MCTP1: variants seen among roughly 807,000 people sequenced by gnomAD.
The protein encoded by MCTP1 is multiple C2 and transmembrane domain-containing protein 1.
A neutral mutation model predicts 120.6 loss-of-function variants in MCTP1; 69 were observed. The observed-to-expected ratio is 0.57, with a 90% CI of 0.47 to 0.70. The LOEUF (loss-of-function observed/expected upper bound fraction) is 0.70. Ranked by LOEUF, MCTP1 falls within the 30% of genes least tolerant of loss-of-function variation. MCTP1 has a pLI of 0.00. For synonymous variants in MCTP1, 529 were observed against 493.1 expected, an observed-to-expected ratio of 1.07 and a Z score of -0.96; for missense variants, 1,203 against 1,248.8, an observed-to-expected ratio of 0.96 and a Z score of 0.55.
chr5:94,744,052 C>A (rs1431721882), intron 19 of MCTP1, among the ~76,000 whole-genome samples: 1 of 152,102 alleles, frequency 6.6e-6, no homozygotes, highest in African/African-American at 2.4e-5. Context: ...CTCACTGCAA[C>A]CTCTGCTTCC....
intron 2 of MCTP1, among the ~76,000 whole-genome samples, chr5:94,991,438 A>G (rs1487257204): frequency 6.6e-6 from 1 of 152,220 alleles, no homozygotes; most frequent in Non-Finnish European, 1.5e-5. Flanking sequence ...AATTTTAAAT[A>G]CTCTGAAATA....
At chr5:95,065,438 G>A (rs1197180832) in intron 1 of MCTP1, among the ~76,000 whole-genome samples, 2 of 152,034 alleles carry the variant, frequency 1.3e-5, no homozygotes, top group Non-Finnish European at 2.9e-5. Context: ...TTTATTCCAT[G>A]TATTAAAATA....
intron 18 of MCTP1, among the ~76,000 whole-genome samples, chr5:94,785,345 T>C (rs1203346431): frequency 6.6e-6 from 1 of 152,142 alleles, no homozygotes; most frequent in Non-Finnish European, 1.5e-5. Flanking sequence ...GTTTTTCACT[T>C]GCAGGAAAAT....
chr5:95,071,220 C>A (rs796828309), intron 1 of MCTP1, among the ~76,000 whole-genome samples: 1 of 152,194 alleles, frequency 6.6e-6, no homozygotes, highest in Non-Finnish European at 1.5e-5. Flanking sequence ...GACACCAGAT[C>A]CGGAGCCTGA....
chr5:95,224,724 G>A (rs7349800), intron 1 of MCTP1, among the ~76,000 whole-genome samples: 18,919 of 152,000 alleles, frequency 0.12, 1,482 homozygotes, highest in Non-Finnish European at 0.18. Flanking sequence ...TGCCCAGGCT[G>A]GTCTTGAACT....
chr5:94,739,790 C>G (rs1765106236), intron 19 of MCTP1, among the ~76,000 whole-genome samples: 1 of 152,188 alleles, frequency 6.6e-6, no homozygotes, highest in African/African-American at 2.4e-5. Context: ...TCACCACTCT[C>G]CCGAGTAGCT....
At chr5:94,930,591 C>A (rs1452409148) in intron 6 of MCTP1, among the ~76,000 whole-genome samples, 1 of 151,984 alleles carries the variant, frequency 6.6e-6, no homozygotes, top group Non-Finnish European at 1.5e-5. Flanking sequence ...CATTTCTAAT[C>A]TTCCTTTTAT....
At chr5:94,758,687 A>T (rs1257093070) in intron 19 of MCTP1, among the ~76,000 whole-genome samples, 3 of 152,162 alleles carry the variant, frequency 2.0e-5, no homozygotes, top group African/African-American at 7.2e-5. Context: ...TTAATTTTTC[A>T]TATCAACTGT....
chr5:95,102,241 C>T (rs1368787548), intron 1 of MCTP1, among the ~76,000 whole-genome samples: 3 of 152,074 alleles, frequency 2.0e-5, no homozygotes, highest in Non-Finnish European at 4.4e-5. Context: ...CTGAGCAAGC[C>T]AGCTGGAGGA....
intron 19 of MCTP1, among the ~76,000 whole-genome samples, chr5:94,721,119 C>T (rs184229478): frequency 5.5e-4 from 83 of 152,150 alleles, no homozygotes; most frequent in African/African-American, 1.7e-3. Flanking sequence ...CAAAATGTTT[C>T]GAAAATGCAG....
intron 1 of MCTP1, among the ~76,000 whole-genome samples, chr5:95,065,484 T>C (rs1032754316): frequency 1.3e-5 from 2 of 152,070 alleles, no homozygotes; most frequent in Non-Finnish European, 2.9e-5. Context: ...ATGTAACTCA[T>C]CAATTAGTAG....
At chr5:94,778,258 C>T (rs960925538) in intron 19 of MCTP1, among the ~76,000 whole-genome samples, 18 of 152,010 alleles carry the variant, frequency 1.2e-4, no homozygotes, top group Admixed American at 8.5e-4. Flanking sequence ...TGGTTTTACA[C>T]GCCAAACAAC....
At chr5:94,807,625 C>T (rs935413964) in intron 17 of MCTP1, among the ~76,000 whole-genome samples, 5 of 152,138 alleles carry the variant, frequency 3.3e-5, no homozygotes, top group African/African-American at 4.8e-5. Context: ...TCAAACATTT[C>T]GATGCTGAGC....
intron 17 of MCTP1, among the ~76,000 whole-genome samples, chr5:94,803,475 A>G (rs1781612566): frequency 1.3e-5 from 2 of 152,318 alleles, no homozygotes; most frequent in South Asian, 4.1e-4. Context: ...GACCTTGGGC[A>G]AGTTACTAGA....
At chr5:95,277,625 A>G (rs1426225398) in intron 1 of MCTP1, among the ~76,000 whole-genome samples, 1 of 152,192 alleles carries the variant, frequency 6.6e-6, no homozygotes, top group Admixed American at 6.5e-5. Context: ...GGATTGCCAA[A>G]TTCCACTCCA....
chr5:94,708,208 TG>T (rs5869643), intron 22 of MCTP1: 194,664 of 194,664 alleles, frequency 1, 97,332 homozygotes, highest in Non-Finnish European at 1. Context: ...CTAATATTCC[TG>T]GTTTCCTCCC....
At chr5:95,264,182 C>T (rs1048630324) in intron 1 of MCTP1, among the ~76,000 whole-genome samples, 4 of 152,310 alleles carry the variant, frequency 2.6e-5, no homozygotes, top group Admixed American at 1.3e-4. Context: ...GCGTCAGTAT[C>T]TACCTCTCTA....
rs986419668 is a variant in MCTP1 at position 94,863,670 on chromosome 5, T to A, written c.2436+4663A>T. On this transcript the variant is annotated intron_variant, in intron 17 of 22. Coordinates refer to ENST00000515393, the MANE Select transcript of MCTP1 (RefSeq NM_024717.7). ...GTCCTTACGGTTTGTAATAACTTTTTAAAAATCCATATGTTGTTTAATAGC... is the reference window on the plus strand; with the variant it reads ...GTCCTTACGGTTTGTAATAACTTTTAAAAAATCCATATGTTGTTTAATAGC... Among the ~76,000 whole-genome samples, 7 of 151,982 alleles carry A rather than the reference T, an allele frequency of 4.6e-5. No individual in the cohort carries two copies. The East Asian group carries it at 1.4e-3, about 30-fold the overall frequency.
At chr5:94,952,171 C>CAGAAAAAAAAAAAA (rs1820766433) in intron 3 of MCTP1, among the ~76,000 whole-genome samples, 1 of 87,890 alleles carries the variant, frequency 1.1e-5, no homozygotes, top group Non-Finnish European at 2.2e-5. Context: ...GACTTTGTCG[C>CAGAAAAAAAAAAAA]AAAAAAAAAA....
Sources: allele counts gnomAD v4.1 joint callset (sites outside exome capture counted in the v4.1 genomes callset), GRCh38; gene constraint gnomAD v4.1.1; transcripts MANE v1.5; gene names NCBI Gene and HGNC (gene_info 2026-07-23, HGNC 2026-07-21).